The following ZNF839 variants were observed in gnomAD, a reference collection of about 807,000 sequenced individuals.
The protein encoded by ZNF839 is renal carcinoma antigen NY-REN-50.
Under a neutral mutation model 56.4 loss-of-function variants are expected in ZNF839, and 38 were observed. The ratio of observed to expected loss-of-function variants is 0.67; its 90% CI spans 0.52 to 0.88. ZNF839 has a LOEUF of 0.88. Ranked by LOEUF, ZNF839 falls within the 40% of genes least tolerant of loss-of-function variation. ZNF839 has a pLI of 0.00. For synonymous variants in ZNF839, 486 were observed against 493.5 expected, an observed-to-expected ratio of 0.98 and a Z score of 0.20; for missense variants, 1,091 against 1,177.6, an observed-to-expected ratio of 0.93 and a Z score of 1.08.
intron 7 of ZNF839, among the ~76,000 whole-genome samples, chr14:102,339,960 T>C (rs1401116543): frequency 6.6e-6 from 1 of 152,012 alleles, no homozygotes; most frequent in East Asian, 1.9e-4. Flanking sequence ...ACTAGGCACT[T>C]AAAAAATTAT....
At chr14:102,329,117 G>A (rs1196629243) in intron 2 of ZNF839, among the ~76,000 whole-genome samples, 2 of 151,592 alleles carry the variant, frequency 1.3e-5, no homozygotes, top group Admixed American at 1.3e-4. Flanking sequence ...CTACAGGCAC[G>A]AGCCACCACG....
At chr14:102,341,197 G>A in intron 7 of ZNF839, 126 bp from the exon 8 acceptor site, 1 of 1,142,048 alleles carries the variant, frequency 8.8e-7, no homozygotes. Context: ...CAAGGAGCAA[G>A]GAGCATCGAT....
rs1419801492 is a variant in ZNF839 at position 102,326,507 on chromosome 14, G to A, written c.811G>A (p.Asp271Asn). The A allele has an allele frequency of 3.1e-6, 5 of 1,613,886 alleles. No individual in the cohort carries two copies. The highest frequency in any genetic ancestry group is 3.3e-5 in the Admixed American group (2 of 60,006). ...AGATTATAAGTTCATAAAAACAGAG[G>A]ATCTGGCGGATGGTCATCTGTCAGA... ...AKDYKFIKTEDLADGHLSDSD... is the reference protein window; with the variant it reads ...AKDYKFIKTENLADGHLSDSD... The change falls in exon 2 of 8, where the codon GAT becomes AAT. Residue 271 changes from aspartate (D) to asparagine (N), a missense_variant. Asp to Asn is a conservative substitution (Grantham distance 23). Around this residue, in one of 3 missense-constraint regions of ZNF839, gnomAD observed 614 missense variants for 629.2 expected, o/e 0.98. Coordinates refer to ENST00000442396, the MANE Select transcript of ZNF839 (RefSeq NM_018335.6). This position sits in a 1 kb window ranked among gnomAD's most constrained non-coding sequence, Gnocchi z 4.3.
intron 2 of ZNF839, among the ~76,000 whole-genome samples, chr14:102,328,682 G>A (rs1597719210): frequency 6.6e-6 from 1 of 151,872 alleles, no homozygotes; most frequent in East Asian, 1.9e-4. Context: ...TCGACTTTCT[G>A]TCTTCTATGA....
chr14:102,320,149 C>G (rs1409883499), intron 1 of ZNF839, 96 bp downstream of exon 1: 3 of 1,046,140 alleles, frequency 2.9e-6, no homozygotes, highest in Non-Finnish European at 3.4e-6. Flanking sequence ...CAGTATCCGC[C>G]CGGGTTAAGA....
intron 1 of ZNF839, among the ~76,000 whole-genome samples, chr14:102,320,870 C>T (rs556340347): frequency 2.6e-5 from 4 of 152,322 alleles, no homozygotes; most frequent in African/African-American, 2.4e-5. Context: ...AGGGCCTACA[C>T]GGCATCTGTA....
intron 2 of ZNF839, among the ~76,000 whole-genome samples, chr14:102,329,789 C>CTTTT (rs35781672): frequency 2.0e-5 from 2 of 102,104 alleles, no homozygotes; most frequent in Non-Finnish European, 3.6e-5. Context: ...TAGAGATAAC[C>CTTTT]TTTTTTTTTT....
chr14:102,317,989 C>A (rs183298744), upstream of ZNF839, among the ~76,000 whole-genome samples: 22 of 152,266 alleles, frequency 1.4e-4, no homozygotes, highest in Admixed American at 1.2e-3. Context: ...TTTGAAAATT[C>A]TACAGTGGAA....
In ZNF839 at chr14:102,325,635, C is replaced by T. The variant is rs1001781088; in HGVS notation, c.289-350C>T. ...TCAGCCTCCTGAGTAGCTGGGACTA[C>T]AGGAGTGCATCACCACGCCCAGCTC... On this transcript the variant is annotated intron_variant, in intron 1 of 7. Coordinates refer to ENST00000442396, the MANE Select transcript of ZNF839 (RefSeq NM_018335.6). Among the ~76,000 whole-genome samples, 8 of 152,074 alleles carry T rather than the reference C, an allele frequency of 5.3e-5. No individual in the cohort carries two copies. In the South Asian group the frequency reaches 1.2e-3, roughly 24 times the overall value.
intron 5 of ZNF839, chr14:102,337,091 T>A (rs1218251976): frequency 6.6e-6 from 1 of 151,990 alleles, no homozygotes; most frequent in Non-Finnish European, 1.5e-5. Context: ...CATTCATTTT[T>A]GTTTGTGGTG....
chr14:102,320,757 G>A (rs2073084866), intron 1 of ZNF839, among the ~76,000 whole-genome samples: 1 of 152,184 alleles, frequency 6.6e-6, no homozygotes, highest in African/African-American at 2.4e-5. Flanking sequence ...TCCTTTCCCA[G>A]TGGGTTTATT....
At chr14:102,328,928 T>C (rs1255839278) in intron 2 of ZNF839, among the ~76,000 whole-genome samples, 1 of 152,170 alleles carries the variant, frequency 6.6e-6, no homozygotes, top group Non-Finnish European at 1.5e-5. Context: ...ACGATGCTGC[T>C]ATGAACACAG....
At chr14:102,339,285 A>G in intron 7 of ZNF839, 62 bp downstream of exon 7, 1 of 1,562,234 alleles carries the variant, frequency 6.4e-7, no homozygotes, top group East Asian at 2.3e-5. Flanking sequence ...TGACATGCAC[A>G]GATGTACCCA....
Position 102,341,416 on chromosome 14 carries a change from C to A in ZNF839, c.2021C>A (p.Ala674Glu), listed in dbSNP as rs201952805. Residue 674 changes from alanine to glutamate, a missense_variant, in exon 8 of 8, where the codon GCG becomes GAG. Physicochemically the swap from Ala to Glu is moderately radical, Grantham distance 107. Transcript: ENST00000442396. Reference protein sequence around the residue: ...VSGGNGSVFQAGPQLQALANL... With the variant: ...VSGGNGSVFQEGPQLQALANL... ...GGTGGCAATGGGAGCGTGTTCCAGG[C>A]GGGCCCGCAGCTTCAGGCACTGGCT... is the stretch of plus-strand genomic sequence containing the variant. 4 of 1,584,842 alleles carry A rather than the reference C, an allele frequency of 2.5e-6. No individual in the cohort carries two copies. Among genetic ancestry groups the A allele is most frequent in the Non-Finnish European group, 2.6e-6 (3 of 1,165,334 alleles).
At chr14:102,324,371 C>T (rs1316260277) in intron 1 of ZNF839, among the ~76,000 whole-genome samples, 1 of 151,950 alleles carries the variant, frequency 6.6e-6, no homozygotes, top group Non-Finnish European at 1.5e-5. Flanking sequence ...GGTGAAACCC[C>T]GTCTCTACTA....
chr14:102,338,708 C>CTT, intron 5 of ZNF839, 108 bp from the exon 6 acceptor site: 1 of 1,501,228 alleles, frequency 6.7e-7, no homozygotes, highest in Non-Finnish European at 9.0e-7. Flanking sequence ...AGGTGAGGAA[C>CTT]TTTGTAGATT....
intron 4 of ZNF839, 75 bp downstream of exon 4, chr14:102,334,721 A>T: frequency 1.2e-6 from 1 of 800,904 alleles, no homozygotes; most frequent in Non-Finnish European, 1.8e-6. Context: ...TTATTTATTA[A>T]TTATTTTTCA....
chr14:102,325,233 C>T (rs868167598), intron 1 of ZNF839, among the ~76,000 whole-genome samples: 24 of 150,636 alleles, frequency 1.6e-4, no homozygotes, highest in African/African-American at 5.1e-4. Context: ...GCAGCTACTC[C>T]GGAGGCTGAG....
chr14:102,342,230 C>G lies in ZNF839; in HGVS notation c.*51C>G. ...GTCGGTCGTCACCGTGGAGCCAGAG[C>G]CCTCACAGTGAAGTGGAGTCAGATC... is the stretch of plus-strand genomic sequence containing the variant. On this transcript the variant is annotated 3_prime_UTR_variant, in exon 8 of 8. Transcript: ENST00000442396. 6.5e-7 allele frequency: 1 copy of G among 1,544,440 alleles called. No individual in the cohort carries two copies. Among genetic ancestry groups the G allele is most frequent in the South Asian group, 1.2e-5 (1 of 80,770 alleles).
Sources: allele counts gnomAD v4.1 joint callset (sites outside exome capture counted in the v4.1 genomes callset), GRCh38; gene constraint gnomAD v4.1.1; regional missense constraint gnomAD v4.1.1; non-coding constraint Gnocchi (gnomAD v3.1); transcripts MANE v1.5; gene names NCBI Gene and HGNC (gene_info 2026-07-23, HGNC 2026-07-21).